The following TULP4 variants were observed in gnomAD, a reference collection of about 807,000 sequenced individuals.
TULP4 encodes tubby-related protein 4.
TULP4 carries 16 observed loss-of-function variants against 129.0 expected under a neutral mutation model. The ratio of observed to expected loss-of-function variants is 0.12; its 90% confidence interval spans 0.08 to 0.19. The LOEUF is 0.19. Among genes scored for constraint, TULP4 ranks in the 10% least tolerant of loss-of-function variants. The pLI is 1.00. For missense variants in TULP4, 1,842 were observed against 2,059.1 expected (o/e 0.89, Z 2.04); for synonymous variants, 998 against 854.0 (o/e 1.17, Z -2.94).
At chr6:158,485,555 TC>T (rs1486286492) in intron 8 of TULP4, among the ~76,000 whole-genome samples, 2 of 152,234 alleles carry the variant, frequency 1.3e-5, no homozygotes, top group Non-Finnish European at 2.9e-5. Flanking sequence ...CATGCACTAT[TC>T]TTCAAGAAGA....
intron 1 of TULP4, among the ~76,000 whole-genome samples, chr6:158,370,803 G>A (rs894560047): frequency 2.0e-5 from 3 of 152,204 alleles, no homozygotes; most frequent in African/African-American, 4.8e-5. Context: ...ATTGTGCAGA[G>A]GTGACAAAAT....
chr6:158,368,364 G>A (rs114464546), intron 1 of TULP4, among the ~76,000 whole-genome samples: 161 of 152,160 alleles, frequency 1.1e-3, no homozygotes, highest in African/African-American at 3.6e-3. Flanking sequence ...GTGCAGTGGC[G>A]TGATTTTGGC....
upstream of TULP4, among the ~76,000 whole-genome samples, chr6:158,307,702 C>T (rs998891231): frequency 4.6e-5 from 7 of 152,104 alleles, no homozygotes; most frequent in African/African-American, 7.2e-5. Flanking sequence ...AGCCCGGTCT[C>T]GAACTCCTAA....
intron 2 of TULP4, among the ~76,000 whole-genome samples, chr6:158,422,878 C>T (rs1039780480): frequency 2.0e-5 from 3 of 152,212 alleles, no homozygotes; most frequent in African/African-American, 4.8e-5. Flanking sequence ...TATGTGGGGG[C>T]GGCCATGTTG....
chr6:158,239,677 C>T lies in TULP4; in HGVS notation n.68+7374C>T, dbSNP rs1448858961. On this transcript the variant is annotated intron_variant and non_coding_transcript_variant, in intron 1 of 1. Coordinates refer to the TULP4 transcript ENST00000620026. ...CTCCCTCCCGGACCGGGCGGCTGGC[C>T]GGGCAGAGGGGCTCCTCACTTCCCA... Among the ~76,000 whole-genome samples the T allele has an allele frequency of 5.0e-4, 34 of 67,344 alleles. 1 individual carries two copies. Among genetic ancestry groups the T allele is most frequent in the Admixed American group, 1.9e-3 (13 of 6,966 alleles). The allele number at this position is 67,344 out of a possible 152,430, so 44.2% of individuals were successfully genotyped here.
intron 1 of TULP4, among the ~76,000 whole-genome samples, chr6:158,360,826 C>T (rs1383096381): frequency 1.3e-5 from 2 of 152,196 alleles, no homozygotes; most frequent in South Asian, 2.1e-4. Context: ...ATGTATAATG[C>T]ATGTGCCTAT....
chr6:158,502,942 C>T lies in TULP4; in HGVS notation c.3279C>T (p.Ala1093=), dbSNP rs1381417313. The T allele has an allele frequency of 6.2e-7, 1 of 1,613,926 alleles. No homozygotes were observed. The part of the protein sequence containing the change: ...YVNSAFTEDE[A]LSQHCQLEKP... ...ACTCGGCCTTCACGGAGGACGAGGC[C>T]CTGTCCCAGCACTGTCAGCTTGAGA... is the stretch of plus-strand genomic sequence containing the variant. Residue 1093 remains alanine (A), a synonymous_variant, in exon 13 of 14, where the codon GCC becomes GCT. Coordinates refer to ENST00000367097, the MANE Select transcript of TULP4 (RefSeq NM_020245.5).
At position 158,313,465 on chromosome 6, in the gene TULP4, T is replaced by C. The variant is rs1779410883; in HGVS notation, c.-552T>C. ...AGAAATTTGTCTAGTTCAGGAAACA[T>C]GCTAGAGGGTGGCTTCAGAAGGAAG... On this transcript the variant is annotated 5_prime_UTR_variant, in exon 1 of 14. It removes an upstream start codon present in the reference 5' UTR. Coordinates refer to ENST00000367097, the MANE Select transcript of TULP4 (RefSeq NM_020245.5). The C allele has an allele frequency of 5.0e-6, 2 of 400,218 alleles. No individual in the cohort carries two copies. The allele number at this position is 400,218 out of a possible 1,614,324, so 24.8% of individuals were successfully genotyped here. A position where few individuals can be genotyped will look rare whatever the true frequency, so the allele number is the denominator to read the frequency against.
At chr6:158,380,902 A>AG (rs1777306959) in intron 1 of TULP4, among the ~76,000 whole-genome samples, 1 of 147,320 alleles carries the variant, frequency 6.8e-6, no homozygotes, top group Non-Finnish European at 1.5e-5. Flanking sequence ...TCCAAAAAAA[A>AG]AAAAAAAAAA....
At chr6:158,266,578 T>C (rs1475460054) in intron 1 of TULP4, among the ~76,000 whole-genome samples, 1 of 152,190 alleles carries the variant, frequency 6.6e-6, no homozygotes, top group Non-Finnish European at 1.5e-5. Context: ...TTTAACCATT[T>C]TAAAGTATAT....
intron 1 of TULP4, among the ~76,000 whole-genome samples, chr6:158,353,515 C>T (rs114910239): frequency 0.035 from 5,259 of 152,222 alleles, 105 homozygotes; most frequent in Non-Finnish European, 0.041. Context: ...TTATTTATTA[C>T]GGTACTCTTT....
At chr6:158,362,185 A>T (rs564883548) in intron 1 of TULP4, among the ~76,000 whole-genome samples, 1 of 152,294 alleles carries the variant, frequency 6.6e-6, no homozygotes, top group Non-Finnish European at 1.5e-5. Context: ...GGTTATTTGT[A>T]CTGACTCTGA....
chr6:158,504,256 C>A (rs1194197114), intron 13 of TULP4, 78 bp downstream of exon 13: 2 of 1,190,980 alleles, frequency 1.7e-6, no homozygotes, highest in Non-Finnish European at 2.3e-6. Flanking sequence ...GAGCATTTTT[C>A]AAAAGGCCAA....
At chr6:158,452,399 C>A in intron 5 of TULP4, 131 bp downstream of exon 5, 1 of 1,234,460 alleles carries the variant, frequency 8.1e-7, no homozygotes, top group Non-Finnish European at 1.1e-6. Flanking sequence ...TTCATGGAGT[C>A]TGTTAACTAA....
intron 1 of TULP4, among the ~76,000 whole-genome samples, chr6:158,349,429 CA>C (rs1780429199): frequency 1.4e-5 from 2 of 146,588 alleles, no homozygotes; most frequent in South Asian, 2.3e-4. Flanking sequence ...GCGCTCCTCA[CA>C]TCCCAGACGG....
chr6:158,279,115 T>C (rs1012225167), upstream of TULP4, among the ~76,000 whole-genome samples: 2 of 151,806 alleles, frequency 1.3e-5, no homozygotes, highest in African/African-American at 4.8e-5. Context: ...TTTTTTTTTT[T>C]GTATTTTTAG....
At chr6:158,485,693 G>A (rs1033634478) in intron 8 of TULP4, among the ~76,000 whole-genome samples, 2 of 152,238 alleles carry the variant, frequency 1.3e-5, no homozygotes, top group Admixed American at 1.3e-4. Flanking sequence ...GCCAGAGTTA[G>A]GAGGGTGATG....
intron 1 of TULP4, among the ~76,000 whole-genome samples, chr6:158,261,112 C>T (rs561098128): frequency 1.1e-4 from 17 of 152,164 alleles, no homozygotes; most frequent in East Asian, 7.7e-4. Flanking sequence ...AGCCACTGTG[C>T]GCGGCTGAAA....
At chr6:158,343,876 A>G (rs149481079) in intron 1 of TULP4, among the ~76,000 whole-genome samples, 2 of 152,394 alleles carry the variant, frequency 1.3e-5, no homozygotes, top group Non-Finnish European at 2.9e-5. Context: ...AAAATTAAGT[A>G]CATGTGGATG....
Sources: gnomAD v4.1 joint callset for allele counts (sites outside exome capture counted in the v4.1 genomes callset) on GRCh38, gnomAD v4.1.1 for gene constraint, MANE v1.5 for transcripts, NCBI Gene and HGNC (gene_info 2026-07-23, HGNC 2026-07-21) for gene names.